EHBP1: variants seen among roughly 807,000 people sequenced by gnomAD.
EHBP1 encodes the protein EH domain binding protein 1.
Under a neutral mutation model 144.0 loss-of-function variants are expected in EHBP1, and 55 were observed. That is an observed-to-expected ratio of 0.38 (90% CI 0.31 to 0.48). The LOEUF (loss-of-function observed/expected upper bound fraction) is 0.48. EHBP1 is among the 20% of genes least tolerant of loss of function. EHBP1 has a pLI of 0.98. For synonymous variants in EHBP1, 469 were observed against 472.7 expected (o/e 0.99, Z 0.10); for missense variants, 1,200 against 1,364.2 (o/e 0.88, Z 1.90).
At chr2:63,032,775 A>G (rs569412060) in intron 19 of EHBP1, among the ~76,000 whole-genome samples, 3 of 152,186 alleles carry the variant, frequency 2.0e-5, no homozygotes, top group Non-Finnish European at 2.9e-5. Flanking sequence ...GTGTGTAGAA[A>G]GTTGCTACCT....
Position 63,045,268 on chromosome 2 carries a change from A to T in EHBP1, c.3392+88A>T. The T allele has an allele frequency of 1.4e-6, 2 of 1,423,726 alleles. No homozygotes were observed. The highest frequency in any genetic ancestry group is 1.9e-6 in the Non-Finnish European group (2 of 1,033,032). 88.2% of individuals were successfully genotyped at this position (1,423,726 alleles called of 1,614,324 possible). ...GAAAGTTCAATCCAGAGGTCGCGGG[A>T]GGGCCGGGGCAGCCTCCCACTGGCC... is the stretch of plus-strand genomic sequence containing the variant. On this transcript the variant is annotated intron_variant, in intron 22 of 22. Transcript: ENST00000431489. The surrounding 1 kb of genome is among the most constrained non-coding windows in gnomAD (Gnocchi z 5.7).
chr2:63,023,312 GAAAC>G (rs1256387759), intron 19 of EHBP1, among the ~76,000 whole-genome samples: 1 of 152,080 alleles, frequency 6.6e-6, no homozygotes, highest in African/African-American at 2.4e-5. Flanking sequence ...ATTTTTTAGA[GAAAC>G]AAAGATTAAT....
At chr2:62,838,444 A>C (rs2152701640) in intron 7 of EHBP1, among the ~76,000 whole-genome samples, 1 of 152,188 alleles carries the variant, frequency 6.6e-6, no homozygotes, top group South Asian at 2.1e-4. Flanking sequence ...GAAAAGCAAG[A>C]GCAAACACAT....
intron 2 of EHBP1, among the ~76,000 whole-genome samples, chr2:62,725,795 G>A (rs2036719858): frequency 6.6e-6 from 1 of 152,206 alleles, no homozygotes; most frequent in Non-Finnish European, 1.5e-5. Context: ...GCAAAGCGAT[G>A]TGGGGGGTTG....
chr2:62,924,156 C>G (rs1194855780), intron 10 of EHBP1, among the ~76,000 whole-genome samples: 1 of 152,204 alleles, frequency 6.6e-6, no homozygotes, highest in South Asian at 2.1e-4. Flanking sequence ...ACAGGCAACC[C>G]CTGGTGGGCA....
intron 7 of EHBP1, among the ~76,000 whole-genome samples, chr2:62,835,105 A>G (rs1431896324): frequency 6.6e-6 from 1 of 152,070 alleles, no homozygotes; most frequent in Non-Finnish European, 1.5e-5. Flanking sequence ...TTTGTAAACA[A>G]TGGTTTTTTT....
At chr2:62,903,489 G>T (rs1472849824) in intron 10 of EHBP1, among the ~76,000 whole-genome samples, 1 of 152,202 alleles carries the variant, frequency 6.6e-6, no homozygotes, top group African/African-American at 2.4e-5. Context: ...CAGGCCAGGT[G>T]CAGTGACTCA....
At chr2:62,910,782 C>T (rs1365565424) in intron 10 of EHBP1, among the ~76,000 whole-genome samples, 1 of 152,064 alleles carries the variant, frequency 6.6e-6, no homozygotes, top group Non-Finnish European at 1.5e-5. Flanking sequence ...AAGGTCCTGC[C>T]CTAATATTTT....
intron 19 of EHBP1, among the ~76,000 whole-genome samples, chr2:63,020,338 A>G (rs990551369): frequency 5.3e-5 from 8 of 150,180 alleles, no homozygotes; most frequent in Non-Finnish European, 8.9e-5. Context: ...AAAAAAAAAA[A>G]AAAAAAAAGA....
chr2:63,037,435 A>G, intron 19 of EHBP1, 100 bp from the exon 20 acceptor site: 1 of 744,556 alleles, frequency 1.3e-6, no homozygotes, highest in East Asian at 2.7e-5. Context: ...TAGTATTAGA[A>G]TAAGTAAAAT....
At chr2:62,713,578 T>C (rs1216342424) in intron 2 of EHBP1, among the ~76,000 whole-genome samples, 2 of 152,040 alleles carry the variant, frequency 1.3e-5, no homozygotes, top group Non-Finnish European at 2.9e-5. Context: ...AGGGGAGAGA[T>C]GGGGCAGAAG....
At chr2:62,681,625 C>A (rs1212465852) in intron 1 of EHBP1, among the ~76,000 whole-genome samples, 1 of 151,870 alleles carries the variant, frequency 6.6e-6, no homozygotes, top group Non-Finnish European at 1.5e-5. Context: ...GTTCAGGAGG[C>A]TAAAACTATT....
At position 62,898,370 on chromosome 2, in the gene EHBP1, AAGAC is replaced by A. The variant is rs529857353; in HGVS notation, c.1185+23842_1185+23845del. ...AGGGGTGAGCCGTGAGCTCTCCTGAAAGACAGAGTTAACCAAGAGCAGAAAAATT... is the reference window on the plus strand; with the variant it reads ...AGGGGTGAGCCGTGAGCTCTCCTGAAAGAGTTAACCAAGAGCAGAAAAATT... On this transcript the variant is annotated intron_variant, in intron 10 of 22. Transcript: ENST00000431489. Among the ~76,000 whole-genome samples the A allele has an allele frequency of 2.6e-5, 4 of 152,178 alleles. No homozygotes were observed. In the South Asian group the frequency reaches 8.3e-4, roughly 32 times the overall value.
chr2:62,754,628 G>A (rs990236155), intron 3 of EHBP1, among the ~76,000 whole-genome samples: 3 of 152,270 alleles, frequency 2.0e-5, no homozygotes, highest in East Asian at 1.9e-4. Flanking sequence ...CTTGAGCTGC[G>A]GTGGGCTCCA....
At chr2:63,030,845 G>C (rs1309694097) in intron 19 of EHBP1, among the ~76,000 whole-genome samples, 2 of 144,596 alleles carry the variant, frequency 1.4e-5, no homozygotes, top group Non-Finnish European at 3.0e-5. Flanking sequence ...GTCCAGGCTG[G>C]AGTGCAGTGG....
intron 19 of EHBP1, among the ~76,000 whole-genome samples, chr2:63,018,895 C>G (rs1315959130): frequency 6.6e-6 from 1 of 152,018 alleles, no homozygotes; most frequent in Non-Finnish European, 1.5e-5. Flanking sequence ...TGTGTTTTTC[C>G]TCAACAACTA....
chr2:62,792,353 T>G (rs1171688855), intron 5 of EHBP1, among the ~76,000 whole-genome samples: 3 of 152,036 alleles, frequency 2.0e-5, no homozygotes, highest in African/African-American at 7.2e-5. Flanking sequence ...AATAGCTGCT[T>G]CTTGTGGAGC....
In EHBP1 at chr2:62,867,128, TG is replaced by T. The variant is rs540089055; in HGVS notation, c.998+2158del. On this transcript the variant is annotated intron_variant, in intron 9 of 22. Transcript: ENST00000431489. Reference sequence around the variant, plus strand: ...AATATATTAGTATATATAAAATACTTGTCTTATTTTTAAAAATCTCTCTGGT... The same window carrying T: ...AATATATTAGTATATATAAAATACTTTCTTATTTTTAAAAATCTCTCTGGT... Among the ~76,000 whole-genome samples, 25 of 152,272 alleles carry T rather than the reference TG, an allele frequency of 1.6e-4. No individual in the cohort carries two copies. In the South Asian group the frequency reaches 5.2e-3, roughly 32 times the overall value.
chr2:62,749,137 C>T (rs920660497), intron 3 of EHBP1, among the ~76,000 whole-genome samples: 1 of 152,040 alleles, frequency 6.6e-6, no homozygotes, highest in Non-Finnish European at 1.5e-5. Context: ...CTTCCCCATC[C>T]CCCCACCCCA....
Sources: gnomAD v4.1 joint callset for allele counts (sites outside exome capture counted in the v4.1 genomes callset) on GRCh38, gnomAD v4.1.1 for gene constraint, Gnocchi (gnomAD v3.1) non-coding constraint, MANE v1.5 for transcripts, NCBI Gene and HGNC (gene_info 2026-07-23, HGNC 2026-07-21) for gene names.